The following GABBR2 variants were observed in gnomAD, a reference collection of about 807,000 sequenced individuals.
The protein encoded by GABBR2 is gamma-aminobutyric acid type B receptor subunit 2.
Under a neutral mutation model 105.6 loss-of-function variants are expected in GABBR2, and 23 were observed. The ratio of observed to expected loss-of-function variants is 0.22; its 90% CI spans 0.16 to 0.31. The LOEUF is 0.31. Ranked by LOEUF, GABBR2 falls within the 10% of genes least tolerant of loss-of-function variation. GABBR2 has a pLI of 1.00. For synonymous variants in GABBR2, 478 were observed against 499.7 expected (o/e 0.96, Z 0.58); for missense variants, 734 against 1,245.5 (o/e 0.59, Z 6.18).
intron 6 of GABBR2, among the ~76,000 whole-genome samples, chr9:98,462,793 A>G (rs1166054146): frequency 6.6e-6 from 1 of 152,196 alleles, no homozygotes; most frequent in Non-Finnish European, 1.5e-5. Context: ...TCAGAATTCC[A>G]CCCCAAGTAT....
At chr9:98,509,750 C>T (rs1001233269) in intron 3 of GABBR2, among the ~76,000 whole-genome samples, 1 of 152,144 alleles carries the variant, frequency 6.6e-6, no homozygotes, top group African/African-American at 2.4e-5. Flanking sequence ...AACAAAGTCT[C>T]CAAGAAATAT....
At chr9:98,381,387 G>C (rs1831973302) in intron 11 of GABBR2, among the ~76,000 whole-genome samples, 1 of 152,118 alleles carries the variant, frequency 6.6e-6, no homozygotes, top group African/African-American at 2.4e-5. Context: ...GAGTTTGCTG[G>C]GAGCAGCCTT....
intron 7 of GABBR2, among the ~76,000 whole-genome samples, chr9:98,410,363 C>CA (rs1209875202): frequency 6.6e-6 from 1 of 151,926 alleles, no homozygotes; most frequent in Non-Finnish European, 1.5e-5. Flanking sequence ...AGTTCACACT[C>CA]ACTCTTCTAC....
chr9:98,682,448 T>G (rs1386416210), intron 1 of GABBR2, among the ~76,000 whole-genome samples: 2 of 132,970 alleles, frequency 1.5e-5, no homozygotes. Context: ...TGATCACAGC[T>G]CACTGCAACT....
intron 3 of GABBR2, among the ~76,000 whole-genome samples, chr9:98,531,052 C>T (rs1828058778): frequency 6.6e-6 from 1 of 152,006 alleles, no homozygotes; most frequent in Non-Finnish European, 1.5e-5. Flanking sequence ...CCCCCAGAGA[C>T]CTGAAGGATC....
At chr9:98,545,647 G>A (rs1828384177) in intron 2 of GABBR2, among the ~76,000 whole-genome samples, 1 of 152,174 alleles carries the variant, frequency 6.6e-6, no homozygotes, top group Non-Finnish European at 1.5e-5. Context: ...CTCAGTGAGG[G>A]TTGAGGACCA....
chr9:98,401,848 G>A (rs1041586572), intron 8 of GABBR2, among the ~76,000 whole-genome samples: 4 of 152,172 alleles, frequency 2.6e-5, no homozygotes, highest in East Asian at 1.9e-4. Flanking sequence ...CTGGAGGATC[G>A]GGGACTGTAT....
intron 13 of GABBR2, among the ~76,000 whole-genome samples, chr9:98,333,949 C>T (rs1831071311): frequency 6.6e-6 from 1 of 152,216 alleles, no homozygotes; most frequent in Admixed American, 6.5e-5. Context: ...GTAATTCCCA[C>T]ATGGGGTTGT....
At chr9:98,501,911 G>A (rs886873978) in intron 3 of GABBR2, among the ~76,000 whole-genome samples, 1 of 152,124 alleles carries the variant, frequency 6.6e-6, no homozygotes, top group Non-Finnish European at 1.5e-5. Context: ...AGAAAATGCC[G>A]CCAGGTCAGA....
At chr9:98,660,906 A>C (rs1830250850) in intron 1 of GABBR2, among the ~76,000 whole-genome samples, 1 of 152,102 alleles carries the variant, frequency 6.6e-6, no homozygotes, top group Non-Finnish European at 1.5e-5. Context: ...TCCCCATCTC[A>C]AGATTCTTTT....
At chr9:98,603,310 A>G (rs1229070175) in intron 1 of GABBR2, among the ~76,000 whole-genome samples, 1 of 152,212 alleles carries the variant, frequency 6.6e-6, no homozygotes, top group Non-Finnish European at 1.5e-5. Flanking sequence ...GGACATTCTC[A>G]GGCAAAGGAT....
At chr9:98,441,390 C>T (rs1352757821) in intron 7 of GABBR2, among the ~76,000 whole-genome samples, 1 of 152,050 alleles carries the variant, frequency 6.6e-6, no homozygotes, top group Non-Finnish European at 1.5e-5. Flanking sequence ...TTTTTTGAGA[C>T]AGAGTCTCAC....
rs140911346 is a variant in GABBR2 at position 98,572,011 on chromosome 9, A to G, written c.459+5924T>C. ...ACACCCTCAGCTCTCCAATGTCTAG[A>G]CCTTGACCCTTCCCTGATGCTTTCC... On this transcript the variant is annotated intron_variant, in intron 2 of 18. Transcript: ENST00000259455. Among the ~76,000 whole-genome samples the G allele has an allele frequency of 7.3e-4, 111 of 152,178 alleles. 1 individual carries two copies. The highest frequency in any genetic ancestry group is 1.2e-3 in the Admixed American group (18 of 15,288).
rs140728028 is a variant in GABBR2, at chr9:98,426,387, C to T, written c.1237-20246G>A. On this transcript the variant is annotated intron_variant, in intron 7 of 18. Coordinates refer to ENST00000259455, the MANE Select transcript of GABBR2 (RefSeq NM_005458.8). Reference sequence around the variant, plus strand: ...AATGGTGTGTGTGAGCCTGCATCTGCCAGTGTGTGTATGCACACGTGTGTG... The same window carrying T: ...AATGGTGTGTGTGAGCCTGCATCTGTCAGTGTGTGTATGCACACGTGTGTG... 9.2e-5 allele frequency among the ~76,000 whole-genome samples: 14 copies of T among 152,330 alleles called. No individual in the cohort carries two copies. The East Asian group carries it at 2.7e-3, about 29-fold the overall frequency.
intron 3 of GABBR2, among the ~76,000 whole-genome samples, chr9:98,510,591 G>A (rs1384874345): frequency 6.6e-6 from 1 of 151,548 alleles, no homozygotes; most frequent in Non-Finnish European, 1.5e-5. Flanking sequence ...CCAAGCAAAC[G>A]GAAAACAAAA....
intron 18 of GABBR2, among the ~76,000 whole-genome samples, chr9:98,292,853 G>A (rs1430551269): frequency 1.3e-5 from 2 of 152,156 alleles, no homozygotes; most frequent in Non-Finnish European, 2.9e-5. Context: ...ACCTGTGTTC[G>A]GTGCAGGGGA....
chr9:98,449,100 G>A (rs1826187344), intron 7 of GABBR2, among the ~76,000 whole-genome samples: 1 of 152,216 alleles, frequency 6.6e-6, no homozygotes. Flanking sequence ...GACGTGTTGA[G>A]CGTTGGGAAG....
intron 6 of GABBR2, among the ~76,000 whole-genome samples, chr9:98,466,029 C>T (rs1826543865): frequency 6.6e-6 from 1 of 152,144 alleles, no homozygotes; most frequent in African/African-American, 2.4e-5. Flanking sequence ...GTAGCACCTC[C>T]CCCTTTGCTC....
At chr9:98,411,422 T>C (rs1201407628) in intron 7 of GABBR2, among the ~76,000 whole-genome samples, 2 of 152,154 alleles carry the variant, frequency 1.3e-5, no homozygotes, top group Non-Finnish European at 2.9e-5. Flanking sequence ...GTAAGAACAA[T>C]ACAAATTTCT....
Sources: gnomAD v4.1 joint callset for allele counts (sites outside exome capture counted in the v4.1 genomes callset) on GRCh38, gnomAD v4.1.1 for gene constraint, MANE v1.5 for transcripts, NCBI Gene and HGNC (gene_info 2026-07-23, HGNC 2026-07-21) for gene names.